TSPAN18: variants seen among roughly 807,000 people sequenced by gnomAD.
TSPAN18 encodes tetraspanin-18.
A neutral mutation model predicts 27.3 loss-of-function variants in TSPAN18; 14 were observed. That is an observed-to-expected ratio of 0.51 (90% CI 0.34 to 0.80). The LOEUF is 0.80. TSPAN18 is among the 30% of genes least tolerant of loss of function. The pLI is 0.01. For synonymous variants in TSPAN18, 143 were observed against 136.5 expected (o/e 1.05, Z -0.33); for missense variants, 268 against 323.9 (o/e 0.83, Z 1.32).
intron 2 of TSPAN18, among the ~76,000 whole-genome samples, chr11:44,815,857 C>T (rs1856809221): frequency 6.6e-6 from 1 of 152,076 alleles, no homozygotes; most frequent in Non-Finnish European, 1.5e-5. Context: ...GGCCGAGAGA[C>T]CAGTAAAGGC....
At chr11:44,731,633 T>TGTGTGTGTGTGTGAGA (rs139154582) in intron 1 of TSPAN18, among the ~76,000 whole-genome samples, 44 of 107,434 alleles carry the variant, frequency 4.1e-4, no homozygotes, top group Non-Finnish European at 6.9e-4. Context: ...TGTGTGTGTG[T>TGTGTGTGTGTGTGAGA]GAGAGAGAGA....
intron 3 of TSPAN18, among the ~76,000 whole-genome samples, chr11:44,898,265 G>T (rs1206990817): frequency 6.6e-6 from 1 of 152,222 alleles, no homozygotes; most frequent in Admixed American, 6.5e-5. Context: ...TAATTAATTG[G>T]TTTTGGAACT....
chr11:44,843,667 C>CG (rs1054418080), intron 2 of TSPAN18, among the ~76,000 whole-genome samples: 14 of 151,986 alleles, frequency 9.2e-5, no homozygotes, highest in Admixed American at 2.0e-4. Context: ...AGGTACACGC[C>CG]GGGGGGGCCA....
At chr11:44,908,734 A>T (rs549607390) in intron 4 of TSPAN18, among the ~76,000 whole-genome samples, 15 of 105,738 alleles carry the variant, frequency 1.4e-4, no homozygotes, top group African/African-American at 5.6e-4. Flanking sequence ...ACTGTCTCAA[A>T]AAAGAAAGAA....
intron 1 of TSPAN18, among the ~76,000 whole-genome samples, chr11:44,745,619 C>T (rs1300245673): frequency 2.0e-5 from 3 of 152,196 alleles, no homozygotes; most frequent in Non-Finnish European, 4.4e-5. Flanking sequence ...TCTTCTCATC[C>T]TGGCTGGTGG....
At chr11:44,923,033 C>T (rs1326081081) in intron 8 of TSPAN18, among the ~76,000 whole-genome samples, 11 of 152,068 alleles carry the variant, frequency 7.2e-5, no homozygotes, top group Non-Finnish European at 1.5e-4. Context: ...CACTTGAACC[C>T]GGGAGGCGGA....
intron 2 of TSPAN18, among the ~76,000 whole-genome samples, chr11:44,775,298 C>T (rs1329113154): frequency 1.3e-5 from 2 of 152,190 alleles, no homozygotes; most frequent in Non-Finnish European, 2.9e-5. Context: ...CACTGGGCAT[C>T]CTGTATTTTA....
chr11:44,849,224 C>T (rs1003510913), intron 2 of TSPAN18, among the ~76,000 whole-genome samples: 3 of 152,086 alleles, frequency 2.0e-5, no homozygotes, highest in Admixed American at 1.3e-4. Context: ...CGTTGAGTCC[C>T]GTGCCAGGAG....
intron 2 of TSPAN18, among the ~76,000 whole-genome samples, chr11:44,773,950 G>A (rs375713781): frequency 6.6e-5 from 10 of 152,240 alleles, no homozygotes; most frequent in Admixed American, 2.6e-4. Context: ...TGGAGCCTGC[G>A]AGGCTGCCTC....
intron 4 of TSPAN18, 107 bp downstream of exon 4, chr11:44,906,586 C>T (rs1218777118): frequency 2.1e-5 from 22 of 1,063,022 alleles, no homozygotes; most frequent in Non-Finnish European, 2.6e-5. Context: ...CAGGGGCCGG[C>T]GCTAGAGGCA....
intron 2 of TSPAN18, among the ~76,000 whole-genome samples, chr11:44,794,594 G>A (rs1279802902): frequency 6.6e-6 from 1 of 151,980 alleles, no homozygotes; most frequent in Non-Finnish European, 1.5e-5. Flanking sequence ...TTTGAACCCA[G>A]AAGGCGGAGG....
chr11:44,776,019 C>T (rs1315483150), intron 2 of TSPAN18, among the ~76,000 whole-genome samples: 1 of 152,154 alleles, frequency 6.6e-6, no homozygotes, highest in Non-Finnish European at 1.5e-5. Context: ...CTAAGTGCAC[C>T]ATAATGACCA....
intron 2 of TSPAN18, among the ~76,000 whole-genome samples, chr11:44,822,903 G>T (rs1856956295): frequency 1.3e-5 from 2 of 152,198 alleles, no homozygotes; most frequent in South Asian, 2.1e-4. Flanking sequence ...TCACATGTAG[G>T]TGGAGCTGAG....
chr11:44,908,755 AG>A lies in TSPAN18; in HGVS notation c.64-949del, dbSNP rs1564992072. ...TCAAAAAAGAAAGAAAGAGAGAGAG[AG>A]AGAGAGAGAAAGGAGAAAGAAAGAA... On this transcript the variant is annotated intron_variant, in intron 4 of 9. Transcript: ENST00000520358. 3.5e-3 allele frequency among the ~76,000 whole-genome samples: 388 copies of A among 111,254 alleles called. 34 individuals carry two copies. Among genetic ancestry groups the A allele is most frequent in the African/African-American group, 0.015 (374 of 25,580 alleles). 73.0% of individuals were successfully genotyped at this position (111,254 alleles called of 152,430 possible).
At chr11:44,730,354 A>G (rs1489378063) in intron 1 of TSPAN18, among the ~76,000 whole-genome samples, 2 of 152,036 alleles carry the variant, frequency 1.3e-5, no homozygotes, top group African/African-American at 4.8e-5. Flanking sequence ...CTCCCTTTCC[A>G]GAGGGCTGCT....
chr11:44,832,700 T>C (rs1480309518), intron 2 of TSPAN18, among the ~76,000 whole-genome samples: 1 of 152,152 alleles, frequency 6.6e-6, no homozygotes, highest in African/African-American at 2.4e-5. Context: ...CTGACCTTCT[T>C]CCTTGTTCCT....
At chr11:44,922,608 T>C (rs1369399090) in intron 8 of TSPAN18, among the ~76,000 whole-genome samples, 2 of 152,122 alleles carry the variant, frequency 1.3e-5, no homozygotes, top group African/African-American at 4.8e-5. Context: ...GCTTTTATAC[T>C]GGTGCCAGTG....
chr11:44,829,874 T>A (rs1246072402), intron 2 of TSPAN18, among the ~76,000 whole-genome samples: 1 of 152,240 alleles, frequency 6.6e-6, no homozygotes, highest in Non-Finnish European at 1.5e-5. Context: ...TGTTAATAGG[T>A]ATACAGTGGT....
intron 3 of TSPAN18, among the ~76,000 whole-genome samples, chr11:44,875,018 C>T (rs1055380730): frequency 6.6e-6 from 1 of 152,216 alleles, no homozygotes; most frequent in Admixed American, 6.5e-5. Context: ...AGACCCACTT[C>T]CCCTGCTCCC....
Sources: gnomAD v4.1 joint callset for allele counts (sites outside exome capture counted in the v4.1 genomes callset) on GRCh38, gnomAD v4.1.1 for gene constraint, MANE v1.5 for transcripts, NCBI Gene and HGNC (gene_info 2026-07-23, HGNC 2026-07-21) for gene names.